Variants in ESR2 observed in about 807,000 individuals in gnomAD.
ESR2 encodes estrogen receptor 2.
A neutral mutation model predicts 49.6 loss-of-function variants in ESR2; 36 were observed. The observed-to-expected ratio is 0.73, with a 90% CI of 0.56 to 0.96. The LOEUF (loss-of-function observed/expected upper bound fraction) is 0.96, where lower values mean the gene tolerates loss of function less well. Ranked by LOEUF, ESR2 falls within the 40% of genes least tolerant of loss-of-function variation. The pLI is 0.00. For synonymous variants in ESR2, 320 were observed against 266.1 expected (o/e 1.20, Z -1.97); for missense variants, 714 against 693.0 (o/e 1.03, Z -0.34).
At chr14:64,256,604 C>T (rs1325803752) in intron 6 of ESR2, among the ~76,000 whole-genome samples, 1 of 152,166 alleles carries the variant, frequency 6.6e-6, no homozygotes, top group East Asian at 1.9e-4. Flanking sequence ...TGGTGGACAC[C>T]TGTGATCCCA....
chr14:64,295,003 T>C (rs934996820), upstream of ESR2, among the ~76,000 whole-genome samples: 1 of 152,168 alleles, frequency 6.6e-6, no homozygotes, highest in Non-Finnish European at 1.5e-5. Context: ...TGCCCACCCC[T>C]CTTCTCGGGC....
intron 1 of ESR2, among the ~76,000 whole-genome samples, chr14:64,283,987 A>C (rs527545229): frequency 5.3e-5 from 8 of 151,360 alleles, no homozygotes; most frequent in Non-Finnish European, 8.9e-5. Context: ...GTGCAGTGGC[A>C]TGATCTCGGC....
chr14:64,236,875 G>A (rs1256061), intron 7 of ESR2, among the ~76,000 whole-genome samples: 1 of 151,482 alleles, frequency 6.6e-6, no homozygotes, highest in Admixed American at 6.6e-5. Context: ...CATGCTGGAT[G>A]TCTGCCTTGT....
At chr14:64,227,923 T>C (rs1431337455), downstream of ESR2, 3 of 1,597,412 alleles carry the variant, frequency 1.9e-6, no homozygotes, top group Non-Finnish European at 8.5e-7. Context: ...ATTGCTTTTC[T>C]CCCCATCTGT....
chr14:64,261,077 A>T (rs2076211672), intron 4 of ESR2, among the ~76,000 whole-genome samples: 1 of 152,164 alleles, frequency 6.6e-6, no homozygotes, highest in Non-Finnish European at 1.5e-5. Flanking sequence ...CATTCTTAAA[A>T]TGTTTATATG....
intron 1 of ESR2, among the ~76,000 whole-genome samples, chr14:64,300,487 TG>T (rs1158363997): frequency 6.6e-6 from 1 of 152,162 alleles, no homozygotes; most frequent in East Asian, 1.9e-4. Context: ...AGGCTGGGTG[TG>T]GTGGCTCATG....
intron 1 of ESR2, among the ~76,000 whole-genome samples, chr14:64,303,025 C>T (rs2077045615): frequency 6.6e-6 from 1 of 152,232 alleles, no homozygotes; most frequent in Middle Eastern, 3.4e-3. Context: ...GTCTCCAACT[C>T]CCGACCTCAG....
chr14:64,309,946 C>T (rs2077164879), intron 1 of ESR2, among the ~76,000 whole-genome samples: 1 of 150,998 alleles, frequency 6.6e-6, no homozygotes, highest in African/African-American at 2.4e-5. Context: ...ATTAGCCGGG[C>T]ATGGTGGCGG....
chr14:64,250,782 A>G (rs1212744272), intron 6 of ESR2, among the ~76,000 whole-genome samples: 4 of 152,106 alleles, frequency 2.6e-5, no homozygotes, highest in Non-Finnish European at 4.4e-5. Context: ...ACACCACTGG[A>G]TACACCAGTC....
chr14:64,299,622 AAAGT>A lies in ESR2; in HGVS notation c.-90-16551_-90-16548del, dbSNP rs1162141229. On this transcript the variant is annotated intron_variant, in intron 1 of 8. Coordinates refer to the ESR2 transcript ENST00000358599. Reference sequence around the variant, plus strand: ...CCTGATCCACCCGCCTCCGCCTCCCAAAGTGCTGGGATTACAGGCGTCAGCCACC... The same window carrying A: ...CCTGATCCACCCGCCTCCGCCTCCCAGCTGGGATTACAGGCGTCAGCCACC... Among the ~76,000 whole-genome samples the A allele has an allele frequency of 2.4e-4, 36 of 152,242 alleles. No individual in the cohort carries two copies. The South Asian group carries it at 7.5e-3, about 32-fold the overall frequency.
chr14:64,291,810 T>C (rs1412853050), intron 1 of ESR2, among the ~76,000 whole-genome samples: 1 of 152,198 alleles, frequency 6.6e-6, no homozygotes, highest in Non-Finnish European at 1.5e-5. Flanking sequence ...CTTCAATTTG[T>C]CATTTTCAAT....
intron 1 of ESR2, among the ~76,000 whole-genome samples, chr14:64,307,781 G>A (rs988862459): frequency 2.0e-5 from 3 of 152,010 alleles, no homozygotes; most frequent in South Asian, 2.1e-4. Flanking sequence ...TGATCCACCC[G>A]CCTCGGCCTC....
chr14:64,227,496 C>G (rs2098722517), downstream of ESR2: 1 of 1,607,366 alleles, frequency 6.2e-7, no homozygotes, highest in Non-Finnish European at 8.5e-7. Flanking sequence ...AAATGTTACC[C>G]AAGATTTTTC....
At chr14:64,268,703 C>A (rs1017729034) in intron 4 of ESR2, 92 bp downstream of exon 4, 1 of 747,172 alleles carries the variant, frequency 1.3e-6, no homozygotes, top group African/African-American at 1.8e-5. Flanking sequence ...TGTCCCAAAT[C>A]TTCTCTTTTC....
At chr14:64,313,735 C>T (rs1391362257) in intron 1 of ESR2, among the ~76,000 whole-genome samples, 1 of 151,308 alleles carries the variant, frequency 6.6e-6, no homozygotes, top group Non-Finnish European at 1.5e-5. Flanking sequence ...AAAAATTAGC[C>T]AGGCGTGGTG....
intron 1 of ESR2, among the ~76,000 whole-genome samples, chr14:64,286,030 T>C (rs988352376): frequency 6.6e-6 from 1 of 152,032 alleles, no homozygotes; most frequent in Non-Finnish European, 1.5e-5. Flanking sequence ...GTAGGCATGG[T>C]AGTATGCTGA....
In ESR2 at chr14:64,326,158, G is replaced by A. The variant is rs142762204; in HGVS notation, c.-91+11740C>T. ...ATTACATTAAAAAGTGGTTATAGTC[G>A]AAGGAATTTGAAGAACACTTCCTCA... On this transcript the variant is annotated intron_variant, in intron 1 of 8. Transcript: ENST00000358599. Among the ~76,000 whole-genome samples the A allele has an allele frequency of 3.0e-3, 454 of 152,164 alleles. 1 individual carries two copies. Among genetic ancestry groups the A allele is most frequent in the African/African-American group, 0.01 (431 of 41,528 alleles).
At chr14:64,322,861 C>A (rs1322206351) in intron 1 of ESR2, among the ~76,000 whole-genome samples, 1 of 151,806 alleles carries the variant, frequency 6.6e-6, no homozygotes, top group Non-Finnish European at 1.5e-5. Context: ...TTTGTAGTGA[C>A]CAAAAGAAGG....
chr14:64,317,633 C>T (rs1459130513), intron 1 of ESR2, among the ~76,000 whole-genome samples: 1 of 152,202 alleles, frequency 6.6e-6, no homozygotes, highest in Admixed American at 6.5e-5. Context: ...GATTACATTT[C>T]ACCATGAGAA....
Sources: allele counts gnomAD v4.1 joint callset (sites outside exome capture counted in the v4.1 genomes callset), GRCh38; gene constraint gnomAD v4.1.1; transcripts MANE v1.5; gene names NCBI Gene and HGNC (gene_info 2026-07-23, HGNC 2026-07-21).